The following ZNF560 variants were observed in gnomAD, a reference collection of about 807,000 sequenced individuals.
ZNF560 encodes the protein zinc finger protein 560.
A neutral mutation model predicts 81.8 loss-of-function variants in ZNF560; 54 were observed. The observed-to-expected ratio is 0.66, with a 90% CI of 0.53 to 0.83. The LOEUF is 0.83. Among genes scored for constraint, ZNF560 ranks in the 40% least tolerant of loss-of-function variants. The pLI is 0.00. For missense variants in ZNF560, 940 were observed against 932.4 expected (o/e 1.01, Z -0.11); for synonymous variants, 321 against 317.9 (o/e 1.01, Z -0.10).
rs890050684 is a variant in ZNF560, at chr19:9,466,826, G to A, written c.2121C>T (p.Thr707=). Reference sequence around the variant, plus strand: ...CCTTACATTTATAGGGTTTTATTTTGGTGAGAGTTTTTAAGCGATCATGAA... The same window carrying A: ...CCTTACATTTATAGGGTTTTATTTTAGTGAGAGTTTTTAAGCGATCATGAA... The part of the protein sequence containing the change: ...MCFHDRLKTL[T]KIKPYKCKDC... Residue 707 remains threonine, a synonymous_variant, in exon 10 of 10, where the codon ACC becomes ACT. Coordinates refer to ENST00000301480, the MANE Select transcript of ZNF560 (RefSeq NM_152476.3). 6.2e-7 allele frequency: 1 copy of A among 1,613,156 alleles called. No homozygotes were observed. Among genetic ancestry groups the A allele is most frequent in the African/African-American group, 1.3e-5 (1 of 74,652 alleles).
Position 9,474,420 on chromosome 19 carries a change from T to A in ZNF560, c.31-95A>T, listed in dbSNP as rs2073168294. On this transcript the variant is annotated intron_variant, in intron 3 of 9. Transcript: ENST00000301480. ...AACAGACCCCAATGCCTATAAAGAG[T>A]TGTGAGGTCTCTCATTATCTACCCA... is the stretch of plus-strand genomic sequence containing the variant. 8 of 1,381,906 alleles carry A rather than the reference T, an allele frequency of 5.8e-6. No homozygotes were observed. The Admixed American group carries it at 1.3e-4, about 23-fold the overall frequency. 85.6% of individuals were successfully genotyped at this position (1,381,906 alleles called of 1,614,324 possible).
At chr19:9,469,805 T>A (rs1334213238) in intron 7 of ZNF560, 95 bp from the exon 8 acceptor site, 5 of 1,002,062 alleles carry the variant, frequency 5.0e-6, no homozygotes, top group Non-Finnish European at 7.9e-6. Flanking sequence ...ATTAAAGCAG[T>A]GAAAAGCACT....
chr19:9,448,858 A>G, the ZNF560 span, among the ~76,000 whole-genome samples: 7 of 152,330 alleles, frequency 4.6e-5, no homozygotes, highest in African/African-American at 1.7e-4. Context: ...TGCAAATGCA[A>G]AACAAAAAAG....
chr19:9,476,313 AAC>A (rs1424663832), intron 2 of ZNF560, among the ~76,000 whole-genome samples: 1 of 151,728 alleles, frequency 6.6e-6, no homozygotes, highest in East Asian at 1.9e-4. Flanking sequence ...TTGTTTTTGA[AAC>A]AGAGTCTTGC....
chr19:9,457,109 C>A, the ZNF560 span, among the ~76,000 whole-genome samples: 1 of 152,150 alleles, frequency 6.6e-6, no homozygotes, highest in Non-Finnish European at 1.5e-5. Context: ...ATGAACTAGT[C>A]AAAGAACAGC....
In ZNF560 at chr19:9,489,700, C is replaced by T. The variant is rs544813853; in HGVS notation, c.-57+8428G>A. ...CGCCTCCTAGGTTCACACCATTCTCCTGCCTCAGCCTTCTGAGTAGCTGGG... is the reference window on the plus strand; with the variant it reads ...CGCCTCCTAGGTTCACACCATTCTCTTGCCTCAGCCTTCTGAGTAGCTGGG... On this transcript the variant is annotated intron_variant, in intron 2 of 9. Coordinates refer to ENST00000301480, the MANE Select transcript of ZNF560 (RefSeq NM_152476.3). Among the ~76,000 whole-genome samples the T allele has an allele frequency of 2.5e-3, 384 of 152,300 alleles. 2 individuals are homozygous for T. Among genetic ancestry groups the T allele is most frequent in the African/African-American group, 9.0e-3 (374 of 41,570 alleles).
chr19:9,492,740 A>C (rs1224869870), intron 2 of ZNF560, among the ~76,000 whole-genome samples: 6 of 152,222 alleles, frequency 3.9e-5, no homozygotes, highest in Non-Finnish European at 8.8e-5. Flanking sequence ...GCTCTGAATC[A>C]GAGATCACTA....
the ZNF560 span, among the ~76,000 whole-genome samples, chr19:9,458,168 C>G: frequency 6.6e-6 from 1 of 152,202 alleles, no homozygotes; most frequent in Non-Finnish European, 1.5e-5. Flanking sequence ...ATCCCTCTCA[C>G]AAAGACACAA....
At chr19:9,459,670 G>C in the ZNF560 span, among the ~76,000 whole-genome samples, 1 of 152,162 alleles carries the variant, frequency 6.6e-6, no homozygotes, top group African/African-American at 2.4e-5. Flanking sequence ...CAGGTGGTGA[G>C]GACGTGTGGA....
chr19:9,451,470 G>C, the ZNF560 span, among the ~76,000 whole-genome samples: 1 of 152,126 alleles, frequency 6.6e-6, no homozygotes, highest in Non-Finnish European at 1.5e-5. Context: ...AAAAATTCAG[G>C]ATGGATTAAA....
downstream of ZNF560, among the ~76,000 whole-genome samples, chr19:9,463,745 C>T (rs996405139): frequency 4.6e-5 from 7 of 152,178 alleles, no homozygotes; most frequent in African/African-American, 1.7e-4. Flanking sequence ...TCCAATGGCA[C>T]GATCTGAGCT....
the ZNF560 span, among the ~76,000 whole-genome samples, chr19:9,449,830 G>A: frequency 1.1e-4 from 16 of 152,070 alleles, no homozygotes; most frequent in Non-Finnish European, 1.9e-4. Context: ...TTAGCCAGGT[G>A]TGCCAGTCTG....
intron 2 of ZNF560, among the ~76,000 whole-genome samples, chr19:9,486,541 A>T (rs1488621223): frequency 1.3e-5 from 2 of 151,368 alleles, no homozygotes; most frequent in Non-Finnish European, 2.9e-5. Context: ...GGAGTTTGAA[A>T]CCAGCCTGGC....
downstream of ZNF560, among the ~76,000 whole-genome samples, chr19:9,463,100 G>T (rs532711543): frequency 6.6e-6 from 1 of 152,262 alleles, no homozygotes; most frequent in South Asian, 2.1e-4. Flanking sequence ...AGACATAAAT[G>T]ACTGAAGGTT....
At chr19:9,449,821 T>C in the ZNF560 span, among the ~76,000 whole-genome samples, 7 of 151,898 alleles carry the variant, frequency 4.6e-5, no homozygotes, top group Non-Finnish European at 8.8e-5. Context: ...GTCCAAAAAT[T>C]AGCCAGGTGT....
chr19:9,474,386 G>C, intron 3 of ZNF560, 61 bp from the exon 4 acceptor site: 1 of 1,548,790 alleles, frequency 6.5e-7, no homozygotes, highest in Non-Finnish European at 8.7e-7. Flanking sequence ...GTTCACTGAA[G>C]AATCAGTTAA....
At chr19:9,471,100 A>T (rs1335518929) in intron 6 of ZNF560, among the ~76,000 whole-genome samples, 196 bp downstream of exon 6, 1 of 152,158 alleles carries the variant, frequency 6.6e-6, no homozygotes, top group Non-Finnish European at 1.5e-5. Flanking sequence ...CATTACTCCA[A>T]TTTTAGAAGG....
the ZNF560 span, among the ~76,000 whole-genome samples, chr19:9,455,062 T>G: frequency 2.0e-5 from 3 of 152,014 alleles, no homozygotes; most frequent in African/African-American, 7.2e-5. Flanking sequence ...GAGCCCCGAG[T>G]GACCGCCCTC....
intron 2 of ZNF560, among the ~76,000 whole-genome samples, chr19:9,485,093 T>C (rs1290532102): frequency 1.3e-5 from 2 of 152,068 alleles, no homozygotes; most frequent in Non-Finnish European, 2.9e-5. Context: ...ACCAAATCAC[T>C]AACTAAAAAT....
Sources: gnomAD v4.1 joint callset for allele counts (sites outside exome capture counted in the v4.1 genomes callset) on GRCh38, gnomAD v4.1.1 for gene constraint, MANE v1.5 for transcripts, NCBI Gene and HGNC (gene_info 2026-07-23, HGNC 2026-07-21) for gene names.